The following FIBCD1 variants were observed in gnomAD, a reference collection of about 807,000 sequenced individuals.
The protein encoded by FIBCD1 is fibrinogen C domain-containing protein 1.
Under a neutral mutation model 45.1 loss-of-function variants are expected in FIBCD1, and 47 were observed. The observed-to-expected ratio is 1.04, with a 90% CI of 0.82 to 1.33. The LOEUF is 1.33. Among genes scored for constraint, FIBCD1 ranks in the 40% most tolerant of loss-of-function variants. FIBCD1 has a pLI of 0.00. For missense variants in FIBCD1, 653 were observed against 682.2 expected (o/e 0.96, Z 0.48); for synonymous variants, 313 against 308.1 (o/e 1.02, Z -0.17).
In FIBCD1 at chr9:130,922,194, T is replaced by G. The variant is rs1320291151; in HGVS notation, c.849+1550A>C. Among the ~76,000 whole-genome samples, 4 of 152,258 alleles carry G rather than the reference T, an allele frequency of 2.6e-5. 1 individual carries two copies. Among genetic ancestry groups the G allele is most frequent in the African/African-American group, 9.6e-5 (4 of 41,560 alleles). Reference sequence around the variant, plus strand: ...CTGGACATCAATACACCAAAAATAGTCAGCACCAAGATCCCAGGCGAGATG... The same window carrying G: ...CTGGACATCAATACACCAAAAATAGGCAGCACCAAGATCCCAGGCGAGATG... On this transcript the variant is annotated intron_variant, in intron 4 of 6. Transcript: ENST00000372338. This position sits in a 1 kb window ranked among gnomAD's most constrained non-coding sequence, Gnocchi z 4.5.
Position 130,903,929 on chromosome 9 carries a change from G to A in FIBCD1, c.*135C>T. On this transcript the variant is annotated 3_prime_UTR_variant, in exon 7 of 7. Transcript: ENST00000372338. The stretch of plus-strand genomic sequence containing the variant: ...CACCGGCCCAGGGAGCTTCGTGTCA[G>A]GGATGGCCCGGCCCCTCCCTACTGG... 1 of 1,201,420 alleles carries A rather than the reference G, an allele frequency of 8.3e-7. No individual in the cohort carries two copies. The highest frequency in any genetic ancestry group is 1.3e-5 in the South Asian group (1 of 76,206). The allele number at this position is 1,201,420 out of a possible 1,614,324, so 74.4% of individuals were successfully genotyped here. A position where few individuals can be genotyped will look rare whatever the true frequency, so the allele number is the denominator to read the frequency against.
At chr9:130,928,890 C>A (rs1832399374) in intron 2 of FIBCD1, among the ~76,000 whole-genome samples, 1 of 151,114 alleles carries the variant, frequency 6.6e-6, no homozygotes, top group Non-Finnish European at 1.5e-5. Flanking sequence ...ATCCCAAATC[C>A]CTCATCCTAT....
chr9:130,912,114 G>GCC (rs1348425867), intron 4 of FIBCD1, among the ~76,000 whole-genome samples: 3 of 152,056 alleles, frequency 2.0e-5, no homozygotes, highest in Non-Finnish European at 4.4e-5. Flanking sequence ...TTAACCAAAT[G>GCC]CCCACAGGCC....
At chr9:130,927,242 A>G (rs950887580) in intron 2 of FIBCD1, among the ~76,000 whole-genome samples, 3 of 132,974 alleles carry the variant, frequency 2.3e-5, no homozygotes, top group African/African-American at 1.1e-4. Context: ...GACTGTCTCG[A>G]AAAAAAAAAA....
chr9:130,940,160 G>A (rs1262531835), upstream of FIBCD1, among the ~76,000 whole-genome samples: 3 of 152,224 alleles, frequency 2.0e-5, no homozygotes, highest in Non-Finnish European at 4.4e-5. Flanking sequence ...CTACGCGTCC[G>A]GCACTGGCGG....
Position 130,929,748 on chromosome 9 carries a change from G to T in FIBCD1, c.371C>A (p.Ala124Asp). 6.4e-7 allele frequency: 1 copy of T among 1,569,046 alleles called. No individual in the cohort carries two copies. The highest frequency in any genetic ancestry group is 8.6e-7 in the Non-Finnish European group (1 of 1,157,502). The change falls in exon 2 of 7, where the codon GCC (alanine) becomes GAC (aspartate). Residue 124 changes from alanine (A) to aspartate (D), a missense_variant. Ala to Asp is a moderately radical substitution (Grantham distance 126). Transcript: ENST00000372338. ...SVLQALTEHQ[A>D]QPRLVGDQEQ... ...CTGGTCGCCCACCAGCCGTGGCTGG[G>T]CCTGGTGCTCTGTCAGCGCCTGCAG...
intron 4 of FIBCD1, among the ~76,000 whole-genome samples, chr9:130,914,234 G>A (rs571788955): frequency 3.8e-4 from 58 of 152,228 alleles, no homozygotes; most frequent in Non-Finnish European, 6.5e-4. Flanking sequence ...CAGCCCTCCC[G>A]AGGGGTCTGT....
chr9:130,904,285 T>C lies in FIBCD1; in HGVS notation c.1165A>G (p.Thr389Ala), dbSNP rs759393563. The C allele has an allele frequency of 2.7e-5, 43 of 1,612,172 alleles. No individual in the cohort carries two copies. The highest frequency in any genetic ancestry group is 3.6e-5 in the Non-Finnish European group (42 of 1,178,996). Residue 389 changes from threonine (T) to alanine (A), a missense_variant, in exon 7 of 7, where the codon ACC becomes GCC. Physicochemically the swap from Thr to Ala is moderately conservative, Grantham distance 58 (BLOSUM62 0). Coordinates refer to ENST00000372338, the MANE Select transcript of FIBCD1 (RefSeq NM_032843.5). ...LLKHSGMRFT[T>A]KDRDSDHSEN... ...GAATGGTCGCTGTCACGGTCCTTGG[T>C]GGTGAACCTCATGCCGCTGTGCTTC... is the stretch of plus-strand genomic sequence containing the variant.
At chr9:130,904,796 G>A (rs1831897576) in intron 6 of FIBCD1, among the ~76,000 whole-genome samples, 1 of 152,202 alleles carries the variant, frequency 6.6e-6, no homozygotes, top group African/African-American at 2.4e-5. Flanking sequence ...GCAGGGGTGA[G>A]GACCAAGCAG....
At chr9:130,908,407 G>A (rs910632683) in intron 5 of FIBCD1, among the ~76,000 whole-genome samples, 1 of 152,200 alleles carries the variant, frequency 6.6e-6, no homozygotes, top group African/African-American at 2.4e-5. Context: ...CCAGGGGGTG[G>A]GTGGTGGCGA....
intron 1 of FIBCD1, among the ~76,000 whole-genome samples, chr9:130,932,316 C>A (rs559711802): frequency 4.3e-4 from 66 of 152,316 alleles, no homozygotes; most frequent in African/African-American, 1.3e-3. Context: ...GACATGCAGA[C>A]CCCCGGGAAA....
chr9:130,927,700 G>A (rs145583819), intron 2 of FIBCD1, among the ~76,000 whole-genome samples: 1,974 of 152,296 alleles, frequency 0.013, 49 homozygotes, highest in African/African-American at 0.045. Flanking sequence ...ACAGAGTCTC[G>A]CTCTGTTGCT....
intron 5 of FIBCD1, among the ~76,000 whole-genome samples, chr9:130,909,452 G>A (rs549799864): frequency 5.3e-5 from 8 of 152,182 alleles, no homozygotes; most frequent in South Asian, 2.1e-4. Flanking sequence ...GACTGCTCCC[G>A]GGGGTACAGG....
In FIBCD1 at chr9:130,929,561, C is replaced by A; in HGVS notation, c.552+6G>T. ...CAAGACCCCAAGATGCAGACCCCAGCCCTACCTGGATGAGGCGGCCCTGCT... is the reference window on the plus strand; with the variant it reads ...CAAGACCCCAAGATGCAGACCCCAGACCTACCTGGATGAGGCGGCCCTGCT... On this transcript the variant is annotated splice_donor_region_variant and intron_variant, in intron 2 of 6. Transcript: ENST00000372338. 1.3e-6 allele frequency: 2 copies of A among 1,501,686 alleles called. No individual in the cohort carries two copies. The highest frequency in any genetic ancestry group is 1.8e-6 in the Non-Finnish European group (2 of 1,128,294). 93.0% of individuals were successfully genotyped at this position (1,501,686 alleles called of 1,614,324 possible).
At chr9:130,915,820 TGAA>T (rs1177602265) in intron 4 of FIBCD1, among the ~76,000 whole-genome samples, 4 of 152,182 alleles carry the variant, frequency 2.6e-5, no homozygotes, top group African/African-American at 9.7e-5. Flanking sequence ...GGTCTGGCCT[TGAA>T]GAAGTGACCT....
Position 130,913,694 on chromosome 9 carries a change from G to T in FIBCD1, c.850-1806C>A, listed in dbSNP as rs1283339174. 2.6e-5 allele frequency among the ~76,000 whole-genome samples: 4 copies of T among 152,150 alleles called. No individual in the cohort carries two copies. The East Asian group carries it at 5.8e-4, about 22-fold the overall frequency. ...GCGGTGGAGAGCCGTATTGATGGCC[G>T]CATATTGGGACCCTGAGCACGCACC... On this transcript the variant is annotated intron_variant, in intron 4 of 6. Coordinates refer to ENST00000372338, the MANE Select transcript of FIBCD1 (RefSeq NM_032843.5).
chr9:130,905,104 C>T, intron 6 of FIBCD1, 130 bp downstream of exon 6: 4 of 914,978 alleles, frequency 4.4e-6, no homozygotes, highest in South Asian at 2.2e-5. Flanking sequence ...TGTTATTTTT[C>T]AAAAACCTGA....
rs1832574342 is a variant in FIBCD1, at chr9:130,939,214, AC to A, written c.-608del. ...AAACTTCCTCCCGGACCGGACTCAC[AC>A]AAGTCACCATGCGCGGGGCGGGCCC... is the stretch of plus-strand genomic sequence containing the variant. On this transcript the variant is annotated 5_prime_UTR_variant, in exon 1 of 7. The change creates a premature stop within an existing upstream ORF in the 5' untranslated region. Transcript: ENST00000372338. The A allele has an allele frequency of 6.6e-6, 1 of 151,660 alleles. No homozygotes were observed. The highest frequency in any genetic ancestry group is 2.4e-5 in the African/African-American group (1 of 41,276). 9.4% of individuals were successfully genotyped at this position (151,660 alleles called of 1,614,324 possible). A position where few individuals can be genotyped will look rare whatever the true frequency, so the allele number is the denominator to read the frequency against.
chr9:130,935,423 G>A (rs565683611), intron 1 of FIBCD1, among the ~76,000 whole-genome samples: 6 of 152,338 alleles, frequency 3.9e-5, no homozygotes, highest in African/African-American at 7.2e-5. Flanking sequence ...CCCCAAGGGC[G>A]TGAGAGGCTC....
Sources: allele counts gnomAD v4.1 joint callset (sites outside exome capture counted in the v4.1 genomes callset), GRCh38; gene constraint gnomAD v4.1.1; non-coding constraint Gnocchi (gnomAD v3.1); transcripts MANE v1.5; gene names NCBI Gene and HGNC (gene_info 2026-07-23, HGNC 2026-07-21).